Variants in CHL1 observed in about 807,000 individuals in gnomAD.
CHL1 encodes cell adhesion molecule L1 like, also known as neural cell adhesion molecule L1-like protein.
CHL1 carries 96 observed loss-of-function variants against 141.9 expected under a neutral mutation model. That is an observed-to-expected ratio of 0.68 (90% CI 0.57 to 0.80). The LOEUF (loss-of-function observed/expected upper bound fraction) is 0.80. Ranked by LOEUF, CHL1 falls within the 30% of genes least tolerant of loss-of-function variation. The pLI is 0.00. For synonymous variants in CHL1, 613 were observed against 502.2 expected (o/e 1.22, Z -2.95); for missense variants, 1,820 against 1,457.2 (o/e 1.25, Z -4.05).
At chr3:325,574 G>A (rs1179710164) in intron 3 of CHL1, among the ~76,000 whole-genome samples, 1 of 152,030 alleles carries the variant, frequency 6.6e-6, no homozygotes, top group Non-Finnish European at 1.5e-5. Flanking sequence ...TAGAAACACG[G>A]AAGATTACAA....
chr3:206,397 C>T (rs545594566), intron 1 of CHL1, among the ~76,000 whole-genome samples: 12 of 151,872 alleles, frequency 7.9e-5, no homozygotes, highest in South Asian at 2.1e-4. Context: ...ACCCAGGAGG[C>T]GGAGGTTGCA....
intron 11 of CHL1, among the ~76,000 whole-genome samples, chr3:355,440 T>C (rs1171920065): frequency 6.6e-6 from 1 of 152,192 alleles, no homozygotes; most frequent in Non-Finnish European, 1.5e-5. Context: ...TTCACCATGC[T>C]CAGCATAGAG....
chr3:337,516 C>G (rs1156838130), intron 5 of CHL1, among the ~76,000 whole-genome samples: 1 of 150,118 alleles, frequency 6.7e-6, no homozygotes, highest in Non-Finnish European at 1.5e-5. Flanking sequence ...TCCCTCCCCT[C>G]TCCCCCCACC....
At chr3:386,960 C>A (rs960990713) in intron 19 of CHL1, among the ~76,000 whole-genome samples, 1 of 149,706 alleles carries the variant, frequency 6.7e-6, no homozygotes, top group African/African-American at 2.4e-5. Flanking sequence ...AATTTAGCCA[C>A]TCCACAATGT....
intron 1 of CHL1, among the ~76,000 whole-genome samples, chr3:222,778 T>C (rs945197314): frequency 4.6e-5 from 7 of 152,134 alleles, no homozygotes; most frequent in Non-Finnish European, 1.0e-4. Flanking sequence ...TTTATGAAGA[T>C]GGGGAAAAGT....
rs148292463 is a variant in CHL1, at chr3:290,666, G to C, written c.-94-29017G>C. ...AGAGTACAGTAGGCATTCAGTTAAT[G>C]CTTGTTGAAAGAATGCATAAACCCC... is the stretch of plus-strand genomic sequence containing the variant. On this transcript the variant is annotated intron_variant, in intron 2 of 27. Transcript: ENST00000256509. 2.6e-5 allele frequency among the ~76,000 whole-genome samples: 4 copies of C among 152,244 alleles called. No individual in the cohort carries two copies. The East Asian group carries it at 5.8e-4, about 22-fold the overall frequency.
At chr3:391,850 G>A in intron 23 of CHL1, 53 bp downstream of exon 23, 1 of 1,415,738 alleles carries the variant, frequency 7.1e-7, no homozygotes, top group Non-Finnish European at 9.8e-7. Flanking sequence ...TTTTTTGGTT[G>A]AATATTCTCT....
intron 1 of CHL1, among the ~76,000 whole-genome samples, chr3:226,743 G>A (rs1701389756): frequency 6.6e-6 from 1 of 152,040 alleles, no homozygotes; most frequent in African/African-American, 2.4e-5. Context: ...CACCGCGCCC[G>A]ACCTGTAGTA....
intron 10 of CHL1, among the ~76,000 whole-genome samples, chr3:351,216 A>G (rs559898750): frequency 3.9e-5 from 6 of 152,230 alleles, no homozygotes; most frequent in Non-Finnish European, 2.9e-5. Flanking sequence ...TTAATTATGC[A>G]ATTTAAAATG....
intron 2 of CHL1, among the ~76,000 whole-genome samples, chr3:298,838 T>C (rs1186534065): frequency 6.6e-6 from 1 of 152,202 alleles, no homozygotes; most frequent in African/African-American, 2.4e-5. Context: ...CAAATTTTTT[T>C]ACCATATAAG....
At chr3:244,123 G>T (rs17012663) in intron 1 of CHL1, among the ~76,000 whole-genome samples, 38,923 of 152,010 alleles carry the variant, frequency 0.26, 5,128 homozygotes, top group Middle Eastern at 0.34. Context: ...TTGAGTTGAA[G>T]GCTTATGTTC....
chr3:302,913 T>C (rs1389726673), intron 2 of CHL1, among the ~76,000 whole-genome samples: 1 of 152,170 alleles, frequency 6.6e-6, no homozygotes, highest in Non-Finnish European at 1.5e-5. Flanking sequence ...TTGAGTTGAT[T>C]TTTGTGTAAG....
chr3:232,368 C>A (rs1701942176), intron 1 of CHL1, among the ~76,000 whole-genome samples: 1 of 152,120 alleles, frequency 6.6e-6, no homozygotes, highest in Non-Finnish European at 1.5e-5. Flanking sequence ...TGTACCTTTT[C>A]TACCTTGCAC....
intron 1 of CHL1, among the ~76,000 whole-genome samples, chr3:236,424 T>G (rs1255452662): frequency 6.6e-6 from 1 of 152,124 alleles, no homozygotes; most frequent in Non-Finnish European, 1.5e-5. Flanking sequence ...AAGGGAAGTG[T>G]TCTTGAGAAT....
At chr3:290,772 A>T (rs1370399333) in intron 2 of CHL1, among the ~76,000 whole-genome samples, 2 of 152,134 alleles carry the variant, frequency 1.3e-5, no homozygotes, top group Middle Eastern at 3.4e-3. Flanking sequence ...ACACACAAAA[A>T]GTTGTCTATT....
intron 2 of CHL1, among the ~76,000 whole-genome samples, chr3:259,099 T>G (rs368943872): frequency 6.6e-6 from 1 of 151,908 alleles, no homozygotes; most frequent in East Asian, 1.9e-4. Context: ...ATGCATGTCT[T>G]TTTTTTAGAG....
At chr3:280,679 C>A (rs983188944) in intron 2 of CHL1, among the ~76,000 whole-genome samples, 1 of 152,096 alleles carries the variant, frequency 6.6e-6, no homozygotes, top group Non-Finnish European at 1.5e-5. Context: ...GAAACTATCA[C>A]CTTTACTACC....
At chr3:234,392 G>A (rs1691737455) in intron 1 of CHL1, among the ~76,000 whole-genome samples, 1 of 152,080 alleles carries the variant, frequency 6.6e-6, no homozygotes, top group Non-Finnish European at 1.5e-5. Context: ...GTGAAAGGGT[G>A]AAACTACTTG....
At chr3:205,463 A>T (rs984551352) in intron 1 of CHL1, among the ~76,000 whole-genome samples, 2 of 152,114 alleles carry the variant, frequency 1.3e-5, no homozygotes, top group Non-Finnish European at 2.9e-5. Flanking sequence ...ACTGATAGTG[A>T]ATTGTTTTTT....
Sources: allele counts gnomAD v4.1 joint callset (sites outside exome capture counted in the v4.1 genomes callset), GRCh38; gene constraint gnomAD v4.1.1; transcripts MANE v1.5; gene names NCBI Gene and HGNC (gene_info 2026-07-23, HGNC 2026-07-21).